Variants in LOXL2 observed in about 807,000 individuals in gnomAD.
LOXL2 encodes lysyl oxidase like 2, also known as lysyl oxidase homolog 2.
A neutral mutation model predicts 93.0 loss-of-function variants in LOXL2; 70 were observed. That is an observed-to-expected ratio of 0.75 (90% CI 0.62 to 0.92). The LOEUF is 0.92. Among genes scored for constraint, LOXL2 ranks in the 40% least tolerant of loss-of-function variants. The probability of loss-of-function intolerance (pLI) is 0.00; values close to 1 mark genes in which losing one functional copy is unlikely to be tolerated. For synonymous variants in LOXL2, 438 were observed against 413.2 expected, an observed-to-expected ratio of 1.06 and a Z score of -0.73; for missense variants, 973 against 1,054.9, an observed-to-expected ratio of 0.92 and a Z score of 1.08.
chr8:23,344,083 A>G (rs1256697340), intron 3 of LOXL2, among the ~76,000 whole-genome samples: 2 of 152,212 alleles, frequency 1.3e-5, no homozygotes, highest in African/African-American at 2.4e-5. Flanking sequence ...GAGGAGGAAG[A>G]AGGCCTGGCT....
intron 9 of LOXL2, among the ~76,000 whole-genome samples, chr8:23,313,916 C>G (rs2117151070): frequency 7.3e-6 from 1 of 136,628 alleles, no homozygotes; most frequent in East Asian, 2.2e-4. Flanking sequence ...GGGCTAATAT[C>G]CAGAATCTAC....
intron 3 of LOXL2, among the ~76,000 whole-genome samples, chr8:23,346,122 T>TGAAATAA (rs1803971003): frequency 2.2e-5 from 1 of 45,782 alleles, no homozygotes; most frequent in Non-Finnish European, 4.4e-5. Flanking sequence ...AAAATTAAAA[T>TGAAATAA]AAAATAAAAT....
chr8:23,341,388 C>T (rs991881292), intron 3 of LOXL2, 185 bp from the exon 4 acceptor site: 12 of 619,500 alleles, frequency 1.9e-5, no homozygotes, highest in South Asian at 7.4e-5. Flanking sequence ...AGTTAGAAAG[C>T]GCTATGCATG....
intron 1 of LOXL2, among the ~76,000 whole-genome samples, chr8:23,376,560 G>A (rs1422970696): frequency 3.2e-4 from 49 of 152,230 alleles, no homozygotes; most frequent in Non-Finnish European, 6.3e-4. Context: ...CTGCGAATCT[G>A]TCTGGTCCTG....
chr8:23,371,525 G>A (rs544504456), intron 1 of LOXL2, among the ~76,000 whole-genome samples: 45 of 152,030 alleles, frequency 3.0e-4, no homozygotes, highest in African/African-American at 1.0e-3. Flanking sequence ...GGCTGAGGCG[G>A]GCGGATCACA....
At chr8:23,366,178 A>C (rs940872100) in intron 2 of LOXL2, 2 of 152,250 alleles carry the variant, frequency 1.3e-5, no homozygotes, top group Non-Finnish European at 2.9e-5. Context: ...GAAAGCCTGG[A>C]ATGGAAAACA....
Position 23,316,665 on chromosome 8 carries a change from T to C in LOXL2, c.1636+284A>G, listed in dbSNP as rs1479252789. ...GGCATGACGGAGGCACTCTCAGTCA[T>C]GTAGTCTGCCCTGGGTCACTGCAGT... On this transcript the variant is annotated intron_variant, in intron 9 of 13. Coordinates refer to ENST00000389131, the MANE Select transcript of LOXL2 (RefSeq NM_002318.3). 2.2e-5 allele frequency: 9 copies of C among 405,756 alleles called. No individual in the cohort carries two copies. The East Asian group carries it at 3.7e-4, about 17-fold the overall frequency. The allele number at this position is 405,756 out of a possible 1,614,324, so 25.1% of individuals were successfully genotyped here.
intron 5 of LOXL2, among the ~76,000 whole-genome samples, chr8:23,330,613 G>A (rs1015172393): frequency 1.3e-5 from 2 of 151,208 alleles, no homozygotes; most frequent in Non-Finnish European, 3.0e-5. Flanking sequence ...TATGATGTAA[G>A]GCACGCTCGC....
At chr8:23,338,576 T>C (rs1212146245) in intron 4 of LOXL2, among the ~76,000 whole-genome samples, 1 of 152,198 alleles carries the variant, frequency 6.6e-6, no homozygotes, top group Admixed American at 6.5e-5. Flanking sequence ...TGGGCAGTGC[T>C]GCATGGCGGG....
chr8:23,329,912 G>T (rs1014860016), intron 5 of LOXL2, among the ~76,000 whole-genome samples: 12 of 152,184 alleles, frequency 7.9e-5, no homozygotes, highest in African/African-American at 2.9e-4. Context: ...ATGGTGGGGT[G>T]CTGGGACAGC....
At chr8:23,386,097 C>G in intron 1 of LOXL2, 1 of 762,672 alleles carries the variant, frequency 1.3e-6, no homozygotes, top group Non-Finnish European at 2.4e-6. Flanking sequence ...TATAGTCACA[C>G]TGCTAAAAAG....
chr8:23,298,022 G>C lies in LOXL2; in HGVS notation c.*21C>G. The C allele has an allele frequency of 6.2e-7, 1 of 1,605,226 alleles. No individual in the cohort carries two copies. Among genetic ancestry groups the C allele is most frequent in the Non-Finnish European group, 8.5e-7 (1 of 1,173,012 alleles). On this transcript the variant is annotated 3_prime_UTR_variant, in exon 14 of 14. Coordinates refer to ENST00000389131, the MANE Select transcript of LOXL2 (RefSeq NM_002318.3). The stretch of plus-strand genomic sequence containing the variant: ...AAGATGTGGTGTGGCCTGAAGACAG[G>C]AGTTGACCACGCAGGCTTCTTTACT...
chr8:23,394,129 A>T (rs919630453), intron 1 of LOXL2, among the ~76,000 whole-genome samples: 1 of 152,230 alleles, frequency 6.6e-6, no homozygotes, highest in Non-Finnish European at 1.5e-5. Flanking sequence ...ACGGTGGCTC[A>T]TGCCTGTAAT....
At chr8:23,381,094 T>C (rs1804675538) in intron 1 of LOXL2, among the ~76,000 whole-genome samples, 1 of 71,956 alleles carries the variant, frequency 1.4e-5, no homozygotes, top group Non-Finnish European at 2.4e-5. Flanking sequence ...ACCTCTCCAG[T>C]CTTTTTTTTT....
At chr8:23,376,554 G>C (rs967350024) in intron 1 of LOXL2, among the ~76,000 whole-genome samples, 2 of 152,154 alleles carry the variant, frequency 1.3e-5, no homozygotes, top group East Asian at 3.8e-4. Context: ...ATTCGGCTGC[G>C]AATCTGTCTG....
chr8:23,369,474 G>A (rs1292288577), intron 1 of LOXL2, among the ~76,000 whole-genome samples: 1 of 152,184 alleles, frequency 6.6e-6, no homozygotes. Flanking sequence ...CTATGCAGAG[G>A]AGTAGGCTAA....
intron 4 of LOXL2, among the ~76,000 whole-genome samples, chr8:23,335,783 C>A (rs1563194000): frequency 6.6e-6 from 1 of 152,118 alleles, no homozygotes; most frequent in Non-Finnish European, 1.5e-5. Flanking sequence ...CCTGGAAGTA[C>A]CTCCTTTGTC....
chr8:23,372,720 C>T (rs999797919), intron 1 of LOXL2, among the ~76,000 whole-genome samples: 1 of 152,038 alleles, frequency 6.6e-6, no homozygotes, highest in Non-Finnish European at 1.5e-5. Flanking sequence ...TCTAAACGTA[C>T]GTGCATAGCT....
chr8:23,310,878 A>G (rs1803310890), intron 9 of LOXL2, among the ~76,000 whole-genome samples: 1 of 152,262 alleles, frequency 6.6e-6, no homozygotes, highest in Non-Finnish European at 1.5e-5. Context: ...TTTACTAAAC[A>G]ATTGTATTAG....
Sources: allele counts gnomAD v4.1 joint callset (sites outside exome capture counted in the v4.1 genomes callset), GRCh38; gene constraint gnomAD v4.1.1; transcripts MANE v1.5; gene names NCBI Gene and HGNC (gene_info 2026-07-23, HGNC 2026-07-21).